Variants in NFAM1 observed in about 807,000 individuals in gnomAD.
NFAM1 encodes the protein NFAT activation molecule 1.
In NFAM1, 17 loss-of-function variants were observed where a neutral mutation model predicts 29.0. The observed-to-expected ratio is 0.59, with a 90% CI of 0.40 to 0.88. The LOEUF is 0.88. NFAM1 is among the 40% of genes least tolerant of loss of function. NFAM1 has a pLI of 0.00. For synonymous variants in NFAM1, 175 were observed against 147.2 expected, an observed-to-expected ratio of 1.19 and a Z score of -1.36; for missense variants, 324 against 344.6, an observed-to-expected ratio of 0.94 and a Z score of 0.47.
chr22:42,430,859 GAAATT>G (rs1930774483), intron 1 of NFAM1, among the ~76,000 whole-genome samples: 1 of 152,080 alleles, frequency 6.6e-6, no homozygotes, highest in African/African-American at 2.4e-5. Context: ...GAATTGGGGG[GAAATT>G]AAATTAAAAA....
intron 5 of NFAM1, among the ~76,000 whole-genome samples, chr22:42,386,088 G>A (rs1457891428): frequency 6.6e-6 from 1 of 152,130 alleles, no homozygotes; most frequent in Non-Finnish European, 1.5e-5. Context: ...AAGAGAGAAA[G>A]TATGGGCCGG....
chr22:42,398,854 TGGCAAGCCA>T, intron 3 of NFAM1, among the ~76,000 whole-genome samples: 1 of 152,186 alleles, frequency 6.6e-6, no homozygotes, highest in Admixed American at 6.5e-5. Context: ...TTGATAGCAC[TGGCAAGCCA>T]GGCAGTGTGA....
At position 42,419,825 on chromosome 22, in the gene NFAM1, C is replaced by T. The variant is rs984217902; in HGVS notation, c.122-8089G>A. 6.6e-6 allele frequency among the ~76,000 whole-genome samples: 1 copy of T among 152,122 alleles called. No individual in the cohort carries two copies. Among genetic ancestry groups the T allele is most frequent in the African/African-American group, 2.4e-5 (1 of 41,440 alleles). Reference sequence around the variant, plus strand: ...CCGCACAGCACAGACTCTCAGGCGTCACTGTTAAGCCATGTGATCAGAAGA... The same window carrying T: ...CCGCACAGCACAGACTCTCAGGCGTTACTGTTAAGCCATGTGATCAGAAGA... On this transcript the variant is annotated intron_variant, in intron 1 of 5. Transcript: ENST00000329021. The surrounding 1 kb of genome is among the most constrained non-coding windows in gnomAD (Gnocchi z 4.5).
chr22:42,432,587 T>TCCCCACTCCAACCCC (rs1175918590), upstream of NFAM1, among the ~76,000 whole-genome samples: 4 of 152,042 alleles, frequency 2.6e-5, no homozygotes, highest in African/African-American at 9.7e-5. Flanking sequence ...GACCCAAGCC[T>TCCCCACTCCAACCCC]CCCCACTCCA....
intron 4 of NFAM1, among the ~76,000 whole-genome samples, chr22:42,395,599 A>C (rs1448310484): frequency 6.6e-6 from 1 of 150,566 alleles, no homozygotes; most frequent in East Asian, 2.0e-4. Flanking sequence ...AATCCAAAGG[A>C]AGGCCAGGCG....
chr22:42,380,802 A>G lies in NFAM1; in HGVS notation c.*4359T>C, dbSNP rs1928918750. The G allele has an allele frequency of 6.6e-6, 1 of 152,576 alleles. No individual in the cohort carries two copies. The highest frequency in any genetic ancestry group is 2.4e-5 in the African/African-American group (1 of 41,440). The allele number at this position is 152,576 out of a possible 1,614,324, so 9.5% of individuals were successfully genotyped here. A position where few individuals can be genotyped will look rare whatever the true frequency, so the allele number is the denominator to read the frequency against. The stretch of plus-strand genomic sequence containing the variant: ...ATTAGAATGTGCTTTAACAAAAAAA[A>G]AAAGAGAGAGAGAGAGAAAGAAAAA... On this transcript the variant is annotated 3_prime_UTR_variant, in exon 6 of 6. Coordinates refer to ENST00000329021, the MANE Select transcript of NFAM1 (RefSeq NM_145912.8).
intron 3 of NFAM1, among the ~76,000 whole-genome samples, chr22:42,399,090 G>A (rs1929633352): frequency 1.3e-5 from 2 of 152,186 alleles, no homozygotes; most frequent in South Asian, 4.1e-4. Context: ...GGAGGAGGGA[G>A]CCTCAGGTAG....
At chr22:42,418,027 G>C (rs1021051862) in intron 1 of NFAM1, among the ~76,000 whole-genome samples, 2 of 152,194 alleles carry the variant, frequency 1.3e-5, no homozygotes, top group East Asian at 1.9e-4. Context: ...CTGTGTTTTG[G>C]GGGGTGACAC....
At position 42,419,908 on chromosome 22, in the gene NFAM1, GA is replaced by G. The variant is rs2146547881; in HGVS notation, c.122-8173del. On this transcript the variant is annotated intron_variant, in intron 1 of 5. Coordinates refer to ENST00000329021, the MANE Select transcript of NFAM1 (RefSeq NM_145912.8). This position sits in a 1 kb window ranked among gnomAD's most constrained non-coding sequence, Gnocchi z 4.5. ...GCAGATGACAAAACTGAGGCTCAGAGAAGGCAAGAGGTTTGCCCAAATTGCA... is the reference window on the plus strand; with the variant it reads ...GCAGATGACAAAACTGAGGCTCAGAGAGGCAAGAGGTTTGCCCAAATTGCA... Among the ~76,000 whole-genome samples the G allele has an allele frequency of 6.6e-6, 1 of 150,582 alleles. No homozygotes were observed. Among genetic ancestry groups the G allele is most frequent in the East Asian group, 2.0e-4 (1 of 4,946 alleles).
chr22:42,436,454 T>C (rs1406740049), upstream of NFAM1, among the ~76,000 whole-genome samples: 2 of 152,110 alleles, frequency 1.3e-5, no homozygotes, highest in Admixed American at 6.5e-5. Flanking sequence ...AAGGGCAGCC[T>C]CCATCCTAGG....
intron 5 of NFAM1, among the ~76,000 whole-genome samples, chr22:42,386,392 A>ACACACACACACAC (rs1569224374): frequency 1.4e-4 from 7 of 48,976 alleles, no homozygotes; most frequent in African/African-American, 1.0e-3. Context: ...AACAAAAACA[A>ACACACACACACAC]ACAAACACAC....
intron 1 of NFAM1, among the ~76,000 whole-genome samples, chr22:42,412,577 GAA>G (rs1205849863): frequency 4.6e-5 from 7 of 152,230 alleles, no homozygotes; most frequent in African/African-American, 1.7e-4. Context: ...ACAGGCCTGA[GAA>G]GAGAGAAAGC....
chr22:42,390,885 G>A (rs1033195769), intron 4 of NFAM1, among the ~76,000 whole-genome samples: 7 of 151,946 alleles, frequency 4.6e-5, no homozygotes, highest in Admixed American at 2.0e-4. Context: ...GGGGCGGAGG[G>A]AATAGCCAGC....
At chr22:42,404,892 A>T (rs1191845804) in intron 3 of NFAM1, among the ~76,000 whole-genome samples, 1 of 149,994 alleles carries the variant, frequency 6.7e-6, no homozygotes, top group Non-Finnish European at 1.5e-5. Context: ...TTCCATGTTC[A>T]CTTAGTGGGC....
upstream of NFAM1, among the ~76,000 whole-genome samples, chr22:42,433,936 G>A (rs551151683): frequency 2.0e-4 from 31 of 152,232 alleles, no homozygotes; most frequent in African/African-American, 5.8e-4. Flanking sequence ...GAAAAGCATC[G>A]GTCTGTGCCT....
chr22:42,428,186 C>A (rs2146558454), intron 1 of NFAM1, among the ~76,000 whole-genome samples: 1 of 152,328 alleles, frequency 6.6e-6, no homozygotes, highest in South Asian at 2.1e-4. Flanking sequence ...CCTCTCCCGG[C>A]CCTCCTGGCC....
chr22:42,402,701 CCCT>C (rs1929763248), intron 3 of NFAM1, among the ~76,000 whole-genome samples: 1 of 152,096 alleles, frequency 6.6e-6, no homozygotes, highest in African/African-American at 2.4e-5. Context: ...CCACTTTGAC[CCCT>C]CAAGTCAGGC....
chr22:42,437,538 G>A, the NFAM1 span, among the ~76,000 whole-genome samples: 1 of 152,140 alleles, frequency 6.6e-6, no homozygotes, highest in Non-Finnish European at 1.5e-5. Flanking sequence ...GACGAGCACA[G>A]AACCAGGAGG....
Position 42,397,965 on chromosome 22 carries a change from A to G in NFAM1, c.565-9T>C. ...GGACCCCGCATCCGCTTCTGTAGGGAGAAAGGAGTCAGGGCCAGGGATGAG... is the reference window on the plus strand; with the variant it reads ...GGACCCCGCATCCGCTTCTGTAGGGGGAAAGGAGTCAGGGCCAGGGATGAG... On this transcript the variant is annotated splice_polypyrimidine_tract_variant and intron_variant, in intron 3 of 5. Coordinates refer to ENST00000329021, the MANE Select transcript of NFAM1 (RefSeq NM_145912.8). The G allele has an allele frequency of 1.3e-6, 2 of 1,537,768 alleles. No individual in the cohort carries two copies. Among genetic ancestry groups the G allele is most frequent in the Non-Finnish European group, 8.9e-7 (1 of 1,121,410 alleles).
Sources: allele counts gnomAD v4.1 joint callset (sites outside exome capture counted in the v4.1 genomes callset), GRCh38; gene constraint gnomAD v4.1.1; non-coding constraint Gnocchi (gnomAD v3.1); transcripts MANE v1.5; gene names NCBI Gene and HGNC (gene_info 2026-07-23, HGNC 2026-07-21).